OSBP2: variants seen among roughly 807,000 people sequenced by gnomAD.
The protein encoded by OSBP2 is oxysterol-binding protein 2.
A neutral mutation model predicts 96.0 loss-of-function variants in OSBP2; 66 were observed. That is an observed-to-expected ratio of 0.69 (90% CI 0.56 to 0.84). The LOEUF (loss-of-function observed/expected upper bound fraction) is 0.84. Ranked by LOEUF, OSBP2 falls within the 40% of genes least tolerant of loss-of-function variation. The pLI, the probability that OSBP2 is intolerant of heterozygous loss-of-function variation, is 0.00. For missense variants in OSBP2, 1,038 were observed against 1,222.7 expected (o/e 0.85, Z 2.25); for synonymous variants, 525 against 520.9 (o/e 1.01, Z -0.11).
intron 2 of OSBP2, among the ~76,000 whole-genome samples, chr22:30,742,714 C>A (rs2089955712): frequency 6.6e-6 from 1 of 152,188 alleles, no homozygotes; most frequent in South Asian, 2.1e-4. Flanking sequence ...ATGGGTGGAC[C>A]ATAGTTTATG....
rs944001233 is a variant in OSBP2 at position 30,896,797 on chromosome 22, C to T, written c.2375+2796C>T. Among the ~76,000 whole-genome samples the T allele has an allele frequency of 1.1e-4, 16 of 152,020 alleles. 1 individual carries two copies. Among genetic ancestry groups the T allele is most frequent in the Admixed American group, 9.2e-4 (14 of 15,246 alleles). On this transcript the variant is annotated intron_variant, in intron 12 of 13. Coordinates refer to ENST00000332585, the MANE Select transcript of OSBP2 (RefSeq NM_030758.4). ...AATAGCTAGGACTACAGGCATGCAC[C>T]ACCATGCCTGGCTAATTTTTAAAAA...
At chr22:30,742,309 G>A (rs2145741740) in intron 2 of OSBP2, among the ~76,000 whole-genome samples, 1 of 151,678 alleles carries the variant, frequency 6.6e-6, no homozygotes, top group East Asian at 2.0e-4. Flanking sequence ...GTGCGTGCCT[G>A]TAATCCCAGC....
At position 30,737,315 on chromosome 22, in the gene OSBP2, CTTTTTTTTTTTTTTTTTT is replaced by C. The variant is rs34541516; in HGVS notation, c.645-3838_645-3821del. Among the ~76,000 whole-genome samples the C allele has an allele frequency of 3.8e-4, 42 of 110,412 alleles. 1 individual carries two copies. Among genetic ancestry groups the C allele is most frequent in the African/African-American group, 1.5e-3 (40 of 26,726 alleles). 72.4% of individuals were successfully genotyped at this position (110,412 alleles called of 152,430 possible). A position where few individuals can be genotyped will look rare whatever the true frequency, so the allele number is the denominator to read the frequency against. ...ACAGGCGTGAGCCACTGCGCCCGGCCTTTTTTTTTTTTTTTTTTTTTTTTTAAAGACAGGGTCTCACTC... is the reference window on the plus strand; with the variant it reads ...ACAGGCGTGAGCCACTGCGCCCGGCCTTTTTTTAAAGACAGGGTCTCACTC... On this transcript the variant is annotated intron_variant, in intron 1 of 13. Coordinates refer to ENST00000332585, the MANE Select transcript of OSBP2 (RefSeq NM_030758.4).
intron 3 of OSBP2, among the ~76,000 whole-genome samples, chr22:30,882,693 G>T (rs2039729156): frequency 6.6e-6 from 1 of 152,158 alleles, no homozygotes; most frequent in African/African-American, 2.4e-5. Context: ...GGGAAGGAAC[G>T]GAGCCCCAGG....
chr22:30,780,552 C>T (rs962424342), intron 2 of OSBP2, among the ~76,000 whole-genome samples: 1 of 152,192 alleles, frequency 6.6e-6, no homozygotes, highest in Non-Finnish European at 1.5e-5. Context: ...GGCTGGAGTA[C>T]AGTGGATCGA....
At position 30,887,562 on chromosome 22, in the gene OSBP2, G is replaced by A. The variant is rs202107614; in HGVS notation, c.1244G>A (p.Arg415Gln). The change falls in exon 4 of 14, where the codon CGG (arginine) becomes CAG (glutamine). Residue 415 changes from arginine to glutamine, a missense_variant. This residue lies in a region of OSBP2 where 737 missense variants were observed against 913.3 expected (regional missense o/e 0.81). Transcript: ENST00000332585. ...QLAKQHNSLE[R>Q]AFHSAPGRPA... ...GCGAAGCAGCACAACAGCCTCGAGC[G>A]GGCCTTCCACAGTGCCCCTGGCCGG... 126 of 1,613,030 alleles carry A rather than the reference G, an allele frequency of 7.8e-5. No homozygotes were observed. Among genetic ancestry groups the A allele is most frequent in the Admixed American group, 1.8e-4 (11 of 59,966 alleles).
Position 30,905,930 on chromosome 22 carries a change from G to A in OSBP2, c.2469G>A (p.Arg823=). 1 of 1,612,880 alleles carries A rather than the reference G, an allele frequency of 6.2e-7. No individual in the cohort carries two copies. Among genetic ancestry groups the A allele is most frequent in the Non-Finnish European group, 8.5e-7 (1 of 1,179,598 alleles). The change falls in exon 13 of 14, where the codon CGG becomes CGA. Residue 823 remains arginine, a synonymous_variant. Transcript: ENST00000332585. ...TAGCGCCAACCGACAGCCGCCTGCG[G>A]CCCGACCAGCGGCTGATGGAGAAGG... The part of the protein sequence containing the change: ...EGVAPTDSRL[R]PDQRLMEKGR...
intron 2 of OSBP2, among the ~76,000 whole-genome samples, chr22:30,857,276 C>T (rs2039098612): frequency 6.6e-6 from 1 of 152,180 alleles, no homozygotes. Context: ...GTGTTAGCAG[C>T]TGGGGCCTTG....
chr22:30,741,044 C>T lies in OSBP2; in HGVS notation c.645-117C>T, dbSNP rs900655795. On this transcript the variant is annotated intron_variant, in intron 1 of 13. Coordinates refer to ENST00000332585, the MANE Select transcript of OSBP2 (RefSeq NM_030758.4). The stretch of plus-strand genomic sequence containing the variant: ...AGGCATCATCTCCCAACTTTGACTC[C>T]AGGGCCTCTCCCAGCTCTGAGGGTC... The T allele has an allele frequency of 4.9e-6, 4 of 816,972 alleles. No homozygotes were observed. The African/African-American group carries it at 5.2e-5, about 11-fold the overall frequency. The allele number at this position is 816,972 out of a possible 1,614,324, so 50.6% of individuals were successfully genotyped here.
rs1202228378 is a variant in OSBP2, at chr22:30,881,141, C to T, written c.1108-6285C>T. Among the ~76,000 whole-genome samples, 1 of 152,184 alleles carries T rather than the reference C, an allele frequency of 6.6e-6. No individual in the cohort carries two copies. Among genetic ancestry groups the T allele is most frequent in the East Asian group, 1.9e-4 (1 of 5,196 alleles). The stretch of plus-strand genomic sequence containing the variant: ...TGCCCAGGGGCTCTGCACCCCAGGC[C>T]GGCCCCTCTGCATCTCAGAGCACCC... On this transcript the variant is annotated intron_variant, in intron 3 of 13. Coordinates refer to ENST00000332585, the MANE Select transcript of OSBP2 (RefSeq NM_030758.4). The surrounding 1 kb of genome is among the most constrained non-coding windows in gnomAD (Gnocchi z 4.5).
intron 2 of OSBP2, among the ~76,000 whole-genome samples, chr22:30,801,866 A>G (rs1458336352): frequency 1.3e-5 from 2 of 152,124 alleles, no homozygotes; most frequent in African/African-American, 4.8e-5. Flanking sequence ...GGACCTAGCT[A>G]TTTAGGAGGT....
chr22:30,822,208 C>A (rs2146980328), intron 2 of OSBP2, among the ~76,000 whole-genome samples: 2 of 152,292 alleles, frequency 1.3e-5, no homozygotes, highest in South Asian at 4.1e-4. Flanking sequence ...CCTTAGCTCT[C>A]AAGGGCATCT....
At chr22:30,751,544 G>A (rs1296334939) in intron 2 of OSBP2, among the ~76,000 whole-genome samples, 1 of 151,904 alleles carries the variant, frequency 6.6e-6, no homozygotes, top group Non-Finnish European at 1.5e-5. Context: ...TAGTAGAGAC[G>A]GGGTTTTGCC....
At chr22:30,862,069 T>C (rs1427005438) in intron 2 of OSBP2, among the ~76,000 whole-genome samples, 2 of 152,222 alleles carry the variant, frequency 1.3e-5, no homozygotes, top group African/African-American at 4.8e-5. Context: ...GTGGCTCCTG[T>C]GTGACCCCTC....
At chr22:30,862,992 T>G (rs1418019948) in intron 2 of OSBP2, among the ~76,000 whole-genome samples, 1 of 149,048 alleles carries the variant, frequency 6.7e-6, no homozygotes, top group African/African-American at 2.5e-5. Context: ...AAAGAAAAAA[T>G]AATCAACAGA....
intron 2 of OSBP2, among the ~76,000 whole-genome samples, chr22:30,842,904 T>C (rs1466955748): frequency 6.6e-6 from 1 of 152,118 alleles, no homozygotes; most frequent in Non-Finnish European, 1.5e-5. Flanking sequence ...CTCAGCTTCC[T>C]GAGCAGCTGG....
intron 2 of OSBP2, among the ~76,000 whole-genome samples, chr22:30,782,404 C>G (rs1360291172): frequency 6.6e-6 from 1 of 152,110 alleles, no homozygotes; most frequent in African/African-American, 2.4e-5. Context: ...CTTGGCCAGG[C>G]TGGTCTCGAA....
At chr22:30,789,868 TA>T (rs2090647656) in intron 2 of OSBP2, among the ~76,000 whole-genome samples, 1 of 152,158 alleles carries the variant, frequency 6.6e-6, no homozygotes, top group South Asian at 2.1e-4. Context: ...CTTCCACCAG[TA>T]AAAACTTTGT....
At chr22:30,761,661 A>T (rs2090205860) in intron 2 of OSBP2, among the ~76,000 whole-genome samples, 1 of 152,228 alleles carries the variant, frequency 6.6e-6, no homozygotes, top group Non-Finnish European at 1.5e-5. Flanking sequence ...AAGGTGGAGT[A>T]ATTACTCAAT....
Sources: allele counts gnomAD v4.1 joint callset (sites outside exome capture counted in the v4.1 genomes callset), GRCh38; gene constraint gnomAD v4.1.1; regional missense constraint gnomAD v4.1.1; non-coding constraint Gnocchi (gnomAD v3.1); transcripts MANE v1.5; gene names NCBI Gene and HGNC (gene_info 2026-07-23, HGNC 2026-07-21).